BIRC6: variants seen among roughly 807,000 people sequenced by gnomAD.
BIRC6 encodes dual E2 ubiquitin-conjugating enzyme/E3 ubiquitin-protein ligase BIRC6.
Under a neutral mutation model 503.3 loss-of-function variants are expected in BIRC6, and 98 were observed. The ratio of observed to expected loss-of-function variants is 0.19; its 90% CI spans 0.17 to 0.23. The LOEUF (loss-of-function observed/expected upper bound fraction) is 0.23, where lower values mean the gene tolerates loss of function less well. Among genes scored for constraint, BIRC6 ranks in the 10% least tolerant of loss-of-function variants. BIRC6 has a pLI of 1.00. For missense variants in BIRC6, 5,360 were observed against 5,806.0 expected, an observed-to-expected ratio of 0.92 and a Z score of 2.50; for synonymous variants, 2,240 against 2,078.7, an observed-to-expected ratio of 1.08 and a Z score of -2.11.
chr2:32,379,413 C>T (rs951910262), intron 2 of BIRC6: 1 of 152,136 alleles, frequency 6.6e-6, no homozygotes, highest in African/African-American at 2.4e-5. Flanking sequence ...AATACTTGAA[C>T]ACTTATTAAC....
intron 55 of BIRC6, among the ~76,000 whole-genome samples, chr2:32,516,054 A>G (rs1288677310): frequency 6.6e-6 from 1 of 152,236 alleles, no homozygotes; most frequent in Non-Finnish European, 1.5e-5. Flanking sequence ...GCCCAAAAAA[A>G]CATTTCAGCT....
At chr2:32,544,102 A>G (rs2057879989) in intron 62 of BIRC6, among the ~76,000 whole-genome samples, 1 of 152,208 alleles carries the variant, frequency 6.6e-6, no homozygotes, top group African/African-American at 2.4e-5. Flanking sequence ...ATAAGTTAGC[A>G]GATGAAAATT....
chr2:32,610,709 C>T (rs538657795), intron 72 of BIRC6, among the ~76,000 whole-genome samples: 5 of 152,258 alleles, frequency 3.3e-5, no homozygotes, highest in Non-Finnish European at 7.4e-5. Flanking sequence ...AGTGTCTGAC[C>T]ACAATTGTAC....
At position 32,431,238 on chromosome 2, in the gene BIRC6, C is replaced by T. The variant is rs1184875992; in HGVS notation, c.3248+148C>T. 6.4e-6 allele frequency: 3 copies of T among 469,576 alleles called. No homozygotes were observed. In the Admixed American group the frequency reaches 1.3e-4, roughly 21 times the overall value. The allele number at this position is 469,576 out of a possible 1,614,324, so 29.1% of individuals were successfully genotyped here. On this transcript the variant is annotated intron_variant, in intron 12 of 73. Coordinates refer to ENST00000421745, the MANE Select transcript of BIRC6 (RefSeq NM_016252.4). ...TGAGACAGAGTCTCACTCTGTCACC[C>T]AGGCTGGAGTGCAGTGGCGCAATCT...
intron 69 of BIRC6, among the ~76,000 whole-genome samples, chr2:32,598,852 G>A (rs1324483479): frequency 2.7e-5 from 4 of 150,840 alleles, no homozygotes; most frequent in Non-Finnish European, 5.9e-5. Flanking sequence ...GTGAAACCCC[G>A]TCTCTACTAA....
intron 43 of BIRC6, among the ~76,000 whole-genome samples, 178 bp downstream of exon 43, chr2:32,490,329 C>A (rs2051536273): frequency 6.6e-6 from 1 of 152,162 alleles, no homozygotes; most frequent in South Asian, 2.1e-4. Context: ...GGGTGGATCA[C>A]TTGAGGTCAG....
chr2:32,482,402 C>G (rs866835910), intron 38 of BIRC6, 27 bp from the exon 39 acceptor site: 1 of 1,598,704 alleles, frequency 6.3e-7, no homozygotes, highest in African/African-American at 1.3e-5. Flanking sequence ...CAAAAATAAA[C>G]CACAGTTTTT....
At chr2:32,479,211 T>C (rs1186623912) in intron 36 of BIRC6, among the ~76,000 whole-genome samples, 1 of 152,228 alleles carries the variant, frequency 6.6e-6, no homozygotes, top group Non-Finnish European at 1.5e-5. Context: ...AGCGTGTTAA[T>C]GTATGTACAG....
chr2:32,453,161 C>G (rs942424978), intron 22 of BIRC6, among the ~76,000 whole-genome samples: 32 of 151,558 alleles, frequency 2.1e-4, no homozygotes, highest in African/African-American at 7.0e-4. Flanking sequence ...TGTGTTCTTC[C>G]CTCTAGACTT....
chr2:32,370,387 A>G (rs2035757522), intron 1 of BIRC6, among the ~76,000 whole-genome samples: 1 of 152,148 alleles, frequency 6.6e-6, no homozygotes, highest in Non-Finnish European at 1.5e-5. Flanking sequence ...TAATTCCAGT[A>G]ATTTTGTATC....
At chr2:32,528,195 G>C (rs1017241981) in intron 59 of BIRC6, 3 of 151,530 alleles carry the variant, frequency 2.0e-5, no homozygotes, top group African/African-American at 7.3e-5. Context: ...GGTGAAGACT[G>C]AAAGCCTGCT....
chr2:32,411,565 C>G (rs1398688430), intron 9 of BIRC6, among the ~76,000 whole-genome samples: 1 of 151,768 alleles, frequency 6.6e-6, no homozygotes, highest in Admixed American at 6.6e-5. Flanking sequence ...GCAACCTCTG[C>G]CTCCTGGGTT....
chr2:32,460,073 A>C (rs1356659654), intron 23 of BIRC6, among the ~76,000 whole-genome samples: 1 of 147,152 alleles, frequency 6.8e-6, no homozygotes, highest in Non-Finnish European at 1.5e-5. Flanking sequence ...TGTGCTTCCT[A>C]GGTCTTCCTA....
chr2:32,574,106 C>T (rs1371343395), intron 65 of BIRC6, among the ~76,000 whole-genome samples: 1 of 151,178 alleles, frequency 6.6e-6, no homozygotes, highest in African/African-American at 2.4e-5. Context: ...TTGAATAATG[C>T]AGGTATTAAG....
intron 72 of BIRC6, among the ~76,000 whole-genome samples, chr2:32,610,615 C>T (rs529823663): frequency 2.2e-4 from 34 of 152,236 alleles, no homozygotes; most frequent in Middle Eastern, 3.4e-3. Flanking sequence ...TAAATCTTTT[C>T]GCCTGGTTAC....
In BIRC6 at chr2:32,581,184, C is replaced by T. The variant is rs538185883; in HGVS notation, c.13355+5818C>T. ...TGGAATGGCAGGGTGAGACTCCATA[C>T]ATGTTCATGTCTTCCTGTTCCTCTA... is the stretch of plus-strand genomic sequence containing the variant. On this transcript the variant is annotated intron_variant, in intron 66 of 73. Transcript: ENST00000421745. Among the ~76,000 whole-genome samples the T allele has an allele frequency of 1.4e-4, 21 of 152,266 alleles. No individual in the cohort carries two copies. In the South Asian group the frequency reaches 4.1e-3, roughly 30 times the overall value.
At chr2:32,482,953 T>C (rs563029269) in intron 39 of BIRC6, among the ~76,000 whole-genome samples, 233 of 151,948 alleles carry the variant, frequency 1.5e-3, no homozygotes, top group African/African-American at 5.4e-3. Flanking sequence ...AGTCTTGTTC[T>C]GTTGCCCAGG....
intron 35 of BIRC6, 141 bp downstream of exon 35, chr2:32,477,724 C>G: frequency 2.1e-6 from 1 of 467,478 alleles, no homozygotes; most frequent in Non-Finnish European, 3.6e-6. Flanking sequence ...TGTGGCAAAA[C>G]CCCGTCTCTA....
At chr2:32,589,290 A>G (rs1287174080) in intron 66 of BIRC6, among the ~76,000 whole-genome samples, 1 of 152,172 alleles carries the variant, frequency 6.6e-6, no homozygotes, top group Non-Finnish European at 1.5e-5. Flanking sequence ...TTTCCTAGCT[A>G]TCTCAAAGTT....
Sources: allele counts gnomAD v4.1 joint callset (sites outside exome capture counted in the v4.1 genomes callset), GRCh38; gene constraint gnomAD v4.1.1; transcripts MANE v1.5; gene names NCBI Gene and HGNC (gene_info 2026-07-23, HGNC 2026-07-21).